Variants in QKI observed in about 807,000 individuals in gnomAD.
The protein encoded by QKI is KH domain-containing RNA-binding protein QKI.
QKI carries 10 observed loss-of-function variants against 39.0 expected under a neutral mutation model. The ratio of observed to expected loss-of-function variants is 0.26; its 90% CI spans 0.16 to 0.43. The LOEUF (loss-of-function observed/expected upper bound fraction) is 0.43. Among genes scored for constraint, QKI ranks in the 20% least tolerant of loss-of-function variants. The pLI, the probability that QKI is intolerant of heterozygous loss-of-function variation, is 1.00. For missense variants in QKI, 218 were observed against 428.0 expected, an observed-to-expected ratio of 0.51 and a Z score of 4.33; for synonymous variants, 204 against 155.4, an observed-to-expected ratio of 1.31 and a Z score of -2.33.
At chr6:163,551,887 A>T (rs980757271) in intron 4 of QKI, among the ~76,000 whole-genome samples, 5 of 152,220 alleles carry the variant, frequency 3.3e-5, no homozygotes, top group Admixed American at 6.5e-5. Context: ...TTAACTCCCT[A>T]AAATTGTATG....
chr6:163,543,859 A>G (rs1781695127), intron 4 of QKI, among the ~76,000 whole-genome samples: 1 of 152,056 alleles, frequency 6.6e-6, no homozygotes. Flanking sequence ...ACAACTCTAG[A>G]TATAAATTTC....
At chr6:163,510,072 T>TG (rs2128234728) in intron 3 of QKI, among the ~76,000 whole-genome samples, 1 of 151,998 alleles carries the variant, frequency 6.6e-6, no homozygotes, top group South Asian at 2.1e-4. Flanking sequence ...AAAAATTAGC[T>TG]GGATGTGGTG....
chr6:163,572,247 G>A lies in QKI; in HGVS notation c.*1537G>A, dbSNP rs1783734688. On this transcript the variant is annotated 3_prime_UTR_variant, in exon 8 of 8. Coordinates refer to ENST00000361752, the MANE Select transcript of QKI (RefSeq NM_006775.3). ...TTAGAGCTTTGTTTTATTTGGAGAAGGGGGATGCATTCATTTGATTTTGTT... is the reference window on the plus strand; with the variant it reads ...TTAGAGCTTTGTTTTATTTGGAGAAAGGGGATGCATTCATTTGATTTTGTT... 1 of 152,120 alleles carries A rather than the reference G, an allele frequency of 6.6e-6. No individual in the cohort carries two copies. The highest frequency in any genetic ancestry group is 1.5e-5 in the Non-Finnish European group (1 of 68,022). The allele number at this position is 152,120 out of a possible 1,614,324, so 9.4% of individuals were successfully genotyped here.
intron 1 of QKI, among the ~76,000 whole-genome samples, chr6:163,444,879 A>G (rs1410873641): frequency 6.6e-6 from 1 of 152,004 alleles, no homozygotes; most frequent in Non-Finnish European, 1.5e-5. Flanking sequence ...AGAATAAATA[A>G]CCCCAAAGTC....
chr6:163,499,902 A>G (rs1583105322), intron 3 of QKI, among the ~76,000 whole-genome samples: 1 of 152,308 alleles, frequency 6.6e-6, no homozygotes, highest in East Asian at 1.9e-4. Context: ...AGTGCCATGA[A>G]AATTATAATA....
intron 1 of QKI, among the ~76,000 whole-genome samples, chr6:163,449,186 A>G (rs958195638): frequency 1.3e-5 from 2 of 152,204 alleles, no homozygotes; most frequent in African/African-American, 4.8e-5. Context: ...ACTGGAGCCT[A>G]TTTAAGCTTC....
At chr6:163,547,923 G>A (rs923916598) in intron 4 of QKI, among the ~76,000 whole-genome samples, 10 of 151,992 alleles carry the variant, frequency 6.6e-5, no homozygotes, top group African/African-American at 2.4e-4. Context: ...TCACCCCATG[G>A]TAAAAATGTA....
chr6:163,436,419 A>G (rs1789276021), intron 1 of QKI, among the ~76,000 whole-genome samples: 1 of 152,206 alleles, frequency 6.6e-6, no homozygotes, highest in African/African-American at 2.4e-5. Flanking sequence ...TAAAGCAAGT[A>G]TGAGAGCTTA....
At position 163,415,150 on chromosome 6, in the gene QKI, C is replaced by A; in HGVS notation, c.-44C>A. 7.2e-7 allele frequency: 1 copy of A among 1,391,392 alleles called. No individual in the cohort carries two copies. The highest frequency in any genetic ancestry group is 1.4e-5 in the South Asian group (1 of 74,038). 86.2% of individuals were successfully genotyped at this position (1,391,392 alleles called of 1,614,324 possible). On this transcript the variant is annotated 5_prime_UTR_variant, in exon 1 of 8. Transcript: ENST00000361752. ...CCCGCCCCTCCCTCCTCTCCGGCGG[C>A]GGCGGCGGCGGCGGCGGGCGGAGTG... is the stretch of plus-strand genomic sequence containing the variant.
intron 2 of QKI, among the ~76,000 whole-genome samples, chr6:163,468,912 T>G (rs570859728): frequency 3.7e-4 from 57 of 152,230 alleles, no homozygotes; most frequent in African/African-American, 1.2e-3. Flanking sequence ...TGATTAGTTT[T>G]TTTTTTTTCT....
chr6:163,506,998 C>A (rs1779141230), intron 3 of QKI, among the ~76,000 whole-genome samples: 1 of 152,208 alleles, frequency 6.6e-6, no homozygotes, highest in South Asian at 2.1e-4. Flanking sequence ...ACTAGAAGAC[C>A]AACTTGATTC....
intron 1 of QKI, among the ~76,000 whole-genome samples, chr6:163,423,905 A>G (rs1788200377): frequency 6.6e-6 from 1 of 152,248 alleles, no homozygotes; most frequent in Non-Finnish European, 1.5e-5. Context: ...TTAGGAATGT[A>G]TACTTGTATC....
intron 3 of QKI, among the ~76,000 whole-genome samples, chr6:163,500,568 A>G (rs996848292): frequency 9.9e-5 from 15 of 152,276 alleles, no homozygotes; most frequent in African/African-American, 3.4e-4. Flanking sequence ...AATTTCCTCA[A>G]TGAAATGTGG....
chr6:163,535,319 A>G (rs910315972), intron 4 of QKI, among the ~76,000 whole-genome samples, 194 bp downstream of exon 4: 2 of 152,164 alleles, frequency 1.3e-5, no homozygotes, highest in African/African-American at 2.4e-5. Flanking sequence ...CCTTAGATAG[A>G]CATTAAAAGG....
intron 1 of QKI, among the ~76,000 whole-genome samples, chr6:163,437,786 G>A (rs1259775587): frequency 1.3e-5 from 2 of 152,102 alleles, no homozygotes; most frequent in African/African-American, 2.4e-5. Context: ...GTGTCAATAT[G>A]TATTAGACGC....
Position 163,573,912 on chromosome 6 carries a change from C to G in QKI, c.*3202C>G, listed in dbSNP as rs2128253881. On this transcript the variant is annotated 3_prime_UTR_variant, in exon 8 of 8. Coordinates refer to ENST00000361752, the MANE Select transcript of QKI (RefSeq NM_006775.3). ...GGACTAACCCTGAAGAACGTGACCA[C>G]AGATAACATAGTGTGACTTGTTTTT... 1 of 152,034 alleles carries G rather than the reference C, an allele frequency of 6.6e-6. No individual in the cohort carries two copies. Among genetic ancestry groups the G allele is most frequent in the East Asian group, 1.9e-4 (1 of 5,174 alleles). 9.4% of individuals were successfully genotyped at this position (152,034 alleles called of 1,614,324 possible).
intron 2 of QKI, chr6:163,457,375 C>T (rs753595548): frequency 2.2e-6 from 1 of 456,020 alleles, no homozygotes; most frequent in Non-Finnish European, 4.4e-6. Flanking sequence ...TTCCTTCCTC[C>T]TCCAGTTGTG....
intron 4 of QKI, among the ~76,000 whole-genome samples, chr6:163,555,558 CTG>C (rs1782536393): frequency 7.0e-6 from 1 of 143,312 alleles, no homozygotes; most frequent in South Asian, 2.3e-4. Context: ...AAACGATGAT[CTG>C]TGTTATTGAG....
chr6:163,574,169 C>T lies in QKI; in HGVS notation c.*3459C>T, dbSNP rs1385635479. The T allele has an allele frequency of 6.6e-6, 1 of 152,108 alleles. No homozygotes were observed. Among genetic ancestry groups the T allele is most frequent in the Non-Finnish European group, 1.5e-5 (1 of 68,040 alleles). The allele number at this position is 152,108 out of a possible 1,614,324, so 9.4% of individuals were successfully genotyped here. A position where few individuals can be genotyped will look rare whatever the true frequency, so the allele number is the denominator to read the frequency against. ...AATAATCACTGTCTGCTCACAGCAT[C>T]GAGTAAAAAGATACATTGTCATGGT... On this transcript the variant is annotated 3_prime_UTR_variant, in exon 8 of 8. Transcript: ENST00000361752.
Sources: allele counts gnomAD v4.1 joint callset (sites outside exome capture counted in the v4.1 genomes callset), GRCh38; gene constraint gnomAD v4.1.1; transcripts MANE v1.5; gene names NCBI Gene and HGNC (gene_info 2026-07-23, HGNC 2026-07-21).